The following LNPEP variants were observed in gnomAD, a reference collection of about 807,000 sequenced individuals.
The protein encoded by LNPEP is leucyl-cystinyl aminopeptidase.
LNPEP carries 64 observed loss-of-function variants against 120.6 expected under a neutral mutation model. That is an observed-to-expected ratio of 0.53 (90% CI 0.43 to 0.65). The LOEUF (loss-of-function observed/expected upper bound fraction) is 0.65, where lower values mean the gene tolerates loss of function less well. Among genes scored for constraint, LNPEP ranks in the 30% least tolerant of loss-of-function variants. The probability of loss-of-function intolerance (pLI) is 0.00; values close to 1 mark genes in which losing one functional copy is unlikely to be tolerated. For synonymous variants in LNPEP, 435 were observed against 425.4 expected, an observed-to-expected ratio of 1.02 and a Z score of -0.28; for missense variants, 1,057 against 1,200.0, an observed-to-expected ratio of 0.88 and a Z score of 1.76.
At chr5:96,998,184 A>C in intron 8 of LNPEP, 39 bp downstream of exon 8, 1 of 1,503,304 alleles carries the variant, frequency 6.7e-7, no homozygotes, top group South Asian at 1.2e-5. Flanking sequence ...AGTGGGTTTA[A>C]AATTTCGTAT....
intron 1 of LNPEP, among the ~76,000 whole-genome samples, chr5:96,968,302 A>G (rs1789775939): frequency 6.6e-6 from 1 of 152,082 alleles, no homozygotes; most frequent in African/African-American, 2.4e-5. Context: ...ATTATAAACA[A>G]AACTCTATGT....
At chr5:97,010,667 T>TA in intron 11 of LNPEP, 1 of 985,142 alleles carries the variant, frequency 1.0e-6, no homozygotes, top group Non-Finnish European at 1.2e-6. Context: ...ACTGTTAGAT[T>TA]ACTTCATCTG....
At chr5:96,939,498 C>T (rs990533239) in intron 1 of LNPEP, among the ~76,000 whole-genome samples, 13 of 152,054 alleles carry the variant, frequency 8.5e-5, no homozygotes, top group Non-Finnish European at 1.6e-4. Context: ...TGAGCCACCG[C>T]GCCCAGCTGA....
intron 1 of LNPEP, among the ~76,000 whole-genome samples, chr5:96,966,992 C>G (rs569806648): frequency 2.6e-4 from 39 of 152,034 alleles, no homozygotes; most frequent in Non-Finnish European, 2.9e-4. Flanking sequence ...AAATCACTTA[C>G]GTAAGCAACA....
intron 6 of LNPEP, 77 bp downstream of exon 6, chr5:96,994,048 G>T (rs1031096814): frequency 2.3e-5 from 28 of 1,191,874 alleles, no homozygotes; most frequent in African/African-American, 1.1e-4. Context: ...GCATTTAGAT[G>T]CTAATAATTC....
In LNPEP at chr5:96,996,510, A is replaced by G; in HGVS notation, c.1521+7A>G. The G allele has an allele frequency of 7.0e-7, 1 of 1,438,564 alleles. No individual in the cohort carries two copies. Among genetic ancestry groups the G allele is most frequent in the Non-Finnish European group, 9.8e-7 (1 of 1,021,702 alleles). The allele number at this position is 1,438,564 out of a possible 1,614,324, so 89.1% of individuals were successfully genotyped here. A position where few individuals can be genotyped will look rare whatever the true frequency, so the allele number is the denominator to read the frequency against. ...ATTCAAAGAGCTTTCTAGTGTAAGT[A>G]CAGGGTTTCTTTGGCCTACTATGAA... On this transcript the variant is annotated splice_region_variant and intron_variant, in intron 7 of 17. Transcript: ENST00000231368.
intron 4 of LNPEP, among the ~76,000 whole-genome samples, chr5:96,988,553 G>A (rs2112619929): frequency 6.6e-6 from 1 of 151,504 alleles, no homozygotes; most frequent in Middle Eastern, 3.4e-3. Context: ...TGGCCTGCTG[G>A]TCTCTAACTC....
chr5:96,971,239 C>A (rs1200395296), intron 1 of LNPEP, among the ~76,000 whole-genome samples: 1 of 151,630 alleles, frequency 6.6e-6, no homozygotes, highest in African/African-American at 2.4e-5. Context: ...AGTGTATGTA[C>A]TGTTGTTCAT....
intron 1 of LNPEP, chr5:96,936,376 C>A: frequency 2.4e-6 from 1 of 415,452 alleles, no homozygotes; most frequent in Non-Finnish European, 4.1e-6. Flanking sequence ...GGACCCGGGG[C>A]TGGCTTGAAG....
chr5:97,002,093 C>T (rs1177548094), intron 8 of LNPEP, among the ~76,000 whole-genome samples: 4 of 151,932 alleles, frequency 2.6e-5, no homozygotes, highest in South Asian at 2.1e-4. Flanking sequence ...GAGTGGAGGT[C>T]GCACCACTGC....
chr5:96,994,492 G>A (rs184476569), intron 6 of LNPEP, among the ~76,000 whole-genome samples: 11 of 151,124 alleles, frequency 7.3e-5, no homozygotes, highest in South Asian at 2.1e-4. Flanking sequence ...ATCTCCTGCC[G>A]GAATGGGGTT....
Position 97,012,883 on chromosome 5 carries a change from C to A in LNPEP, c.2036-765C>A, listed in dbSNP as rs149213446. On this transcript the variant is annotated intron_variant, in intron 11 of 17. Transcript: ENST00000231368. ...TTTAACCCAATTATTTCTTATTTGT[C>A]CCTTATGCAATCTTAAGCCTTCCCT... Among the ~76,000 whole-genome samples, 342 of 152,242 alleles carry A rather than the reference C, an allele frequency of 2.2e-3. 2 individuals are homozygous for A. The highest frequency in any genetic ancestry group is 8.0e-3 in the African/African-American group (331 of 41,548).
chr5:97,020,709 G>A (rs1791173610), intron 13 of LNPEP, among the ~76,000 whole-genome samples: 1 of 152,088 alleles, frequency 6.6e-6, no homozygotes, highest in South Asian at 2.1e-4. Context: ...GGCTGAAGCA[G>A]GAGAATGACG....
intron 1 of LNPEP, among the ~76,000 whole-genome samples, chr5:96,963,913 T>C (rs2112584794): frequency 6.6e-6 from 1 of 152,248 alleles, no homozygotes; most frequent in Middle Eastern, 3.4e-3. Flanking sequence ...AAAGTTTCTA[T>C]TCTAGCCATT....
intron 1 of LNPEP, among the ~76,000 whole-genome samples, chr5:96,976,927 T>TC (rs1790013399): frequency 7.6e-3 from 1 of 132 alleles, no homozygotes; most frequent in African/African-American, 0.042. Context: ...CAGAACATAC[T>TC]TTTTTTTTTT....
At chr5:97,020,382 G>A (rs896322774) in intron 13 of LNPEP, among the ~76,000 whole-genome samples, 1 of 152,176 alleles carries the variant, frequency 6.6e-6, no homozygotes, top group South Asian at 2.1e-4. Flanking sequence ...GAGATGCCAC[G>A]ATGGTGGTGG....
In LNPEP at chr5:97,027,799, G is replaced by C. The variant is rs374339256; in HGVS notation, c.2931G>C (p.Lys977Asn). The change falls in exon 17 of 18, where the codon AAG becomes AAC. Residue 977 changes from lysine to asparagine, a missense_variant. Lys to Asn is a moderately conservative substitution (Grantham distance 94). Transcript: ENST00000231368. Reference protein sequence around the residue: ...VAGSTYLFSTKTHLSEVQAFF... With the variant: ...VAGSTYLFSTNTHLSEVQAFF... The stretch of plus-strand genomic sequence containing the variant: ...GATCAACTTACCTGTTTTCAACAAA[G>C]ACACATTTATCTGAGGTTGGTTTTA... 8 of 1,603,858 alleles carry C rather than the reference G, an allele frequency of 5.0e-6. No homozygotes were observed. In the African/African-American group the frequency reaches 1.1e-4, roughly 21 times the overall value.
chr5:96,948,120 C>CTT (rs769737708), intron 1 of LNPEP, among the ~76,000 whole-genome samples: 4 of 142,702 alleles, frequency 2.8e-5, no homozygotes, highest in Admixed American at 7.0e-5. Flanking sequence ...ACAAATTTCT[C>CTT]TTTTTTTTTT....
chr5:97,028,820 A>G lies in LNPEP; in HGVS notation c.*287A>G, dbSNP rs1388028526. 1 of 252,296 alleles carries G rather than the reference A, an allele frequency of 4.0e-6. No individual in the cohort carries two copies. Among genetic ancestry groups the G allele is most frequent in the East Asian group, 1.1e-4 (1 of 9,016 alleles). The allele number at this position is 252,296 out of a possible 1,614,324, so 15.6% of individuals were successfully genotyped here. A position where few individuals can be genotyped will look rare whatever the true frequency, so the allele number is the denominator to read the frequency against. On this transcript the variant is annotated 3_prime_UTR_variant, in exon 18 of 18. Coordinates refer to ENST00000231368, the MANE Select transcript of LNPEP (RefSeq NM_005575.3). Reference sequence around the variant, plus strand: ...TGAAGATACACAGATGGGGACAAAAACCCTGTTTTGGAATTCTGTTCTATT... The same window carrying G: ...TGAAGATACACAGATGGGGACAAAAGCCCTGTTTTGGAATTCTGTTCTATT...
Sources: allele counts gnomAD v4.1 joint callset (sites outside exome capture counted in the v4.1 genomes callset), GRCh38; gene constraint gnomAD v4.1.1; transcripts MANE v1.5; gene names NCBI Gene and HGNC (gene_info 2026-07-23, HGNC 2026-07-21).